The following MMP9 variants were observed in gnomAD, a reference collection of about 807,000 sequenced individuals.
MMP9 encodes the protein matrix metalloproteinase-9.
MMP9 carries 73 observed loss-of-function variants against 76.4 expected under a neutral mutation model. The ratio of observed to expected loss-of-function variants is 0.96; its 90% CI spans 0.79 to 1.16. MMP9 has a LOEUF of 1.16. MMP9 is among the 50% of genes most tolerant of loss of function. MMP9 has a pLI of 0.00. For synonymous variants in MMP9, 412 were observed against 408.4 expected (o/e 1.01, Z -0.11); for missense variants, 943 against 973.0 (o/e 0.97, Z 0.41).
Position 46,013,666 on chromosome 20 carries a change from G to A in MMP9, c.1620G>A (p.Trp540Ter). The A allele has an allele frequency of 6.2e-7, 1 of 1,614,038 alleles. No individual in the cohort carries two copies. Among genetic ancestry groups the A allele is most frequent in the Middle Eastern group, 1.7e-4 (1 of 6,056 alleles). ...CTCCTCGCTTTCTCAGGAAGTACTGGCGATTCTCTGAGGGCAGGGGGAGCC... is the reference window on the plus strand; with the variant it reads ...CTCCTCGCTTTCTCAGGAAGTACTGACGATTCTCTGAGGGCAGGGGGAGCC... Reference protein sequence around the residue: ...QLYLFKDGKYWRFSEGRGSRP... With the variant: ...QLYLFKDGKY The change falls in exon 10 of 13, where the codon TGG becomes TGA. Residue 540 changes from tryptophan (W) to a stop codon, truncating the protein, a stop_gained. Transcript: ENST00000372330. LOFTEE classifies it high-confidence loss of function. This position sits in a 1 kb window ranked among gnomAD's most constrained non-coding sequence, Gnocchi z 4.5.
chr20:46,010,333 A>AAAAAAAAAAAAAAAAAAAAAAAAAAAAC lies in MMP9; in HGVS notation c.372-142_372-141insAAAAAAAAAAAAAAAAAAACAAAAAAAA, dbSNP rs796972949. 28 of 828,802 alleles carry AAAAAAAAAAAAAAAAAAAAAAAAAAAAC rather than the reference A, an allele frequency of 3.4e-5. 2 individuals are homozygous for AAAAAAAAAAAAAAAAAAAAAAAAAAAAC. The African/African-American group carries it at 5.8e-4, about 17-fold the overall frequency. The allele number at this position is 828,802 out of a possible 1,614,324, so 51.3% of individuals were successfully genotyped here. On this transcript the variant is annotated intron_variant, in intron 2 of 12. Transcript: ENST00000372330. ...GGGTCTAAGTAGACAAAAAAAAAAA[A>AAAAAAAAAAAAAAAAAAAAAAAAAAAAC]AAAAAAAACAGTCTGGAAGCAATTT...
chr20:46,014,290 G>T lies in MMP9; in HGVS notation c.1901+16G>T. 6.5e-7 allele frequency: 1 copy of T among 1,527,914 alleles called. No homozygotes were observed. The allele number at this position is 1,527,914 out of a possible 1,614,324, so 94.6% of individuals were successfully genotyped here. ...GCCTCTGGAGGTGAGCGCCGCCGCG[G>T]CCGCCGGCAGGGGGAGCCCGGGCGC... On this transcript the variant is annotated intron_variant, in intron 11 of 12. Coordinates refer to ENST00000372330, the MANE Select transcript of MMP9 (RefSeq NM_004994.3).
intron 2 of MMP9, 87 bp downstream of exon 2, chr20:46,010,185 C>T: frequency 1.6e-6 from 2 of 1,244,088 alleles, no homozygotes; most frequent in Non-Finnish European, 2.2e-6. Flanking sequence ...CTGTCTTGGA[C>T]GCGTCCCTGG....
intron 5 of MMP9, 80 bp from the exon 6 acceptor site, chr20:46,011,494 G>T (rs1014644406): frequency 1.3e-6 from 2 of 1,594,356 alleles, no homozygotes; most frequent in African/African-American, 2.7e-5. Context: ...CCATCCATGG[G>T]TCAAAGAACA....
chr20:46,011,348 C>T (rs748441442), intron 5 of MMP9, 32 bp downstream of exon 5: 27 of 1,594,194 alleles, frequency 1.7e-5, no homozygotes, highest in Non-Finnish European at 2.2e-5. Context: ...GGGCTGGGGG[C>T]GCCCACCACC....
In MMP9 at chr20:46,009,776, C is replaced by A. The variant is rs191726918; in HGVS notation, c.139-90C>A. On this transcript the variant is annotated intron_variant, in intron 1 of 12. Transcript: ENST00000372330. ...GAAAAAGAAAAAGAAAAAAGACTCC[C>A]TCCATGAGTGTCTGGAGGGAGTCCT... is the stretch of plus-strand genomic sequence containing the variant. The A allele has an allele frequency of 3.0e-3, 3,416 of 1,128,490 alleles. 7 individuals are homozygous for A. The highest frequency in any genetic ancestry group is 3.9e-3 in the Non-Finnish European group (2,940 of 761,334). The allele number at this position is 1,128,490 out of a possible 1,614,324, so 69.9% of individuals were successfully genotyped here.
intron 2 of MMP9, among the ~76,000 whole-genome samples, 153 bp from the exon 3 acceptor site, chr20:46,010,330 A>AAAAAAAAAAAAAAAAC (rs2084269756): frequency 9.8e-6 from 1 of 101,928 alleles, no homozygotes; most frequent in Non-Finnish European, 2.1e-5. Context: ...ACAAAAAAAA[A>AAAAAAAAAAAAAAAAC]AAAAAAAAAA....
In MMP9 at chr20:46,012,247, C is replaced by A. The variant is rs958279746; in HGVS notation, c.1108C>A (p.Arg370Ser). Residue 370 changes from arginine to serine, a missense_variant, in exon 7 of 13, where the codon CGC (arginine) becomes AGC (serine). By Grantham distance (110) the Arg-to-Ser change is moderately radical (BLOSUM62 -1). Transcript: ENST00000372330. ...TACCAGCGAGGGCCGCGGAGATGGG[C>A]GCCTCTGGTGCGCTACCACCTCGAA... Reference protein sequence around the residue: ...TCTSEGRGDGRLWCATTSNFD... With the variant: ...TCTSEGRGDGSLWCATTSNFD... 3 of 1,614,068 alleles carry A rather than the reference C, an allele frequency of 1.9e-6. No individual in the cohort carries two copies. Among genetic ancestry groups the A allele is most frequent in the Non-Finnish European group, 1.7e-6 (2 of 1,180,038 alleles).
Position 46,010,016 on chromosome 20 carries a change from C to A in MMP9, c.289C>A (p.Pro97Thr), listed in dbSNP as rs1171100463. Residue 97 changes from proline to threonine, a missense_variant, in exon 2 of 13, where the codon CCA becomes ACA. Transcript: ENST00000372330. ...DSATLKAMRT[P>T]RCGVPDLGRF... is the part of the protein sequence containing the mutation. ...CGCCACGCTGAAGGCCATGCGAACC[C>A]CACGGTGCGGGGTCCCAGACCTGGG... 3 of 1,551,654 alleles carry A rather than the reference C, an allele frequency of 1.9e-6. No individual in the cohort carries two copies. The highest frequency in any genetic ancestry group is 2.6e-6 in the Non-Finnish European group (3 of 1,146,998).
chr20:46,013,422 G>A lies in MMP9; in HGVS notation c.1498G>A (p.Gly500Ser). ...TGGCCCCACAGGTCCCCCCACTGCT[G>A]GCCCTTCTACGGCCACTACTGTGCC... is the stretch of plus-strand genomic sequence containing the variant. ...SAGPTGPPTA[G>S]PSTATTVPLS... Residue 500 changes from glycine to serine, a missense_variant, in exon 9 of 13, where the codon GGC becomes AGC. Coordinates refer to ENST00000372330, the MANE Select transcript of MMP9 (RefSeq NM_004994.3). The surrounding 1 kb of genome is among the most constrained non-coding windows in gnomAD (Gnocchi z 4.5). 1 of 1,613,822 alleles carries A rather than the reference G, an allele frequency of 6.2e-7. No individual in the cohort carries two copies. The highest frequency in any genetic ancestry group is 8.5e-7 in the Non-Finnish European group (1 of 1,179,916).
chr20:46,014,309 C>T lies in MMP9; in HGVS notation c.1901+35C>T, dbSNP rs764720871. On this transcript the variant is annotated intron_variant, in intron 11 of 12. Coordinates refer to ENST00000372330, the MANE Select transcript of MMP9 (RefSeq NM_004994.3). ...GCCGCGGCCGCCGGCAGGGGGAGCC[C>T]GGGCGCCGTCGGTCCGTCCGCTAGC... The T allele has an allele frequency of 3.3e-6, 5 of 1,536,106 alleles. No individual in the cohort carries two copies. The South Asian group carries it at 4.8e-5, about 15-fold the overall frequency.
Position 46,010,945 on chromosome 20 carries a change from G to T in MMP9, c.544G>T (p.Asp182Tyr), listed in dbSNP as rs769270769. The T allele has an allele frequency of 1.9e-6, 3 of 1,614,230 alleles. No homozygotes were observed. Among genetic ancestry groups the T allele is most frequent in the Non-Finnish European group, 2.5e-6 (3 of 1,180,050 alleles). ...VAEHGDGYPF[D>Y]GKDGLLAHAF... ...AGAGCACGGAGACGGGTATCCCTTC[G>T]ACGGGAAGGACGGGCTCCTGGCACA... The change falls in exon 4 of 13, where the codon GAC becomes TAC. Residue 182 changes from aspartate to tyrosine, a missense_variant. By Grantham distance (160) the Asp-to-Tyr change is radical (BLOSUM62 -3). Coordinates refer to ENST00000372330, the MANE Select transcript of MMP9 (RefSeq NM_004994.3).
At position 46,013,319 on chromosome 20, in the gene MMP9, G is replaced by A. The variant is rs768338998; in HGVS notation, c.1395G>A (p.Pro465=). The A allele has an allele frequency of 1.9e-6, 3 of 1,613,552 alleles. No homozygotes were observed. Among genetic ancestry groups the A allele is most frequent in the South Asian group, 2.2e-5 (2 of 91,028 alleles). Residue 465 remains proline (P), a synonymous_variant, in exon 9 of 13, where the codon CCG becomes CCA. Transcript: ENST00000372330. The surrounding 1 kb of genome is among the most constrained non-coding windows in gnomAD (Gnocchi z 4.5). Reference sequence around the variant, plus strand: ...CCACACCGCAGCCCACGGCTCCCCCGACGGTCTGCCCCACCGGACCCCCCA... The same window carrying A: ...CCACACCGCAGCCCACGGCTCCCCCAACGGTCTGCCCCACCGGACCCCCCA... ...TTTTPQPTAP[P]TVCPTGPPTV...
intron 8 of MMP9, 63 bp downstream of exon 8, chr20:46,012,645 G>T (rs2084290647): frequency 5.8e-5 from 73 of 1,266,810 alleles, no homozygotes; most frequent in Non-Finnish European, 6.6e-5. Context: ...CAGTACCAAA[G>T]AATTGGGGGT....
rs545557657 is a variant in MMP9, at chr20:46,013,166, G to A, written c.1331-89G>A. On this transcript the variant is annotated intron_variant, in intron 8 of 12. Transcript: ENST00000372330. The surrounding 1 kb of genome is among the most constrained non-coding windows in gnomAD (Gnocchi z 4.5). Reference sequence around the variant, plus strand: ...AGGAGGGGCCTGTGTGCCAGAGGAGGCTTCACTGAGAAGCTTAGGGGAGCA... The same window carrying A: ...AGGAGGGGCCTGTGTGCCAGAGGAGACTTCACTGAGAAGCTTAGGGGAGCA... 1 of 1,491,358 alleles carries A rather than the reference G, an allele frequency of 6.7e-7. No homozygotes were observed. Among genetic ancestry groups the A allele is most frequent in the African/African-American group, 1.4e-5 (1 of 72,436 alleles). 92.4% of individuals were successfully genotyped at this position (1,491,358 alleles called of 1,614,324 possible).
At position 46,013,626 on chromosome 20, in the gene MMP9, G is replaced by C; in HGVS notation, c.1611-31G>C. ...CCACTGGCCCTGTGTCCAAGGCTTA[G>C]AGCCCGTCCTTTCCCTCCTCGCTTT... On this transcript the variant is annotated intron_variant, in intron 9 of 12. Coordinates refer to ENST00000372330, the MANE Select transcript of MMP9 (RefSeq NM_004994.3). The surrounding 1 kb of genome is among the most constrained non-coding windows in gnomAD (Gnocchi z 4.5). 1 of 1,613,940 alleles carries C rather than the reference G, an allele frequency of 6.2e-7. No individual in the cohort carries two copies. The highest frequency in any genetic ancestry group is 8.5e-7 in the Non-Finnish European group (1 of 1,179,918).
In MMP9 at chr20:46,014,401, C is replaced by T; in HGVS notation, c.1932C>T (p.Pro644=). Residue 644 remains proline, a synonymous_variant, in exon 12 of 13, where the codon CCC becomes CCT. Transcript: ENST00000372330. ...ACGTGAAGGCGCAGATGGTGGATCC[C>T]CGGAGCGCCAGCGAGGTGGACCGGA... The part of the protein sequence containing the change: ...RFDVKAQMVD[P]RSASEVDRMF... 1.9e-6 allele frequency: 3 copies of T among 1,549,722 alleles called. No homozygotes were observed. Among genetic ancestry groups the T allele is most frequent in the South Asian group, 1.2e-5 (1 of 84,064 alleles).
chr20:46,010,883 T>G (rs375521841), intron 3 of MMP9, 39 bp from the exon 4 acceptor site: 84 of 1,614,048 alleles, frequency 5.2e-5, no homozygotes, highest in Non-Finnish European at 6.7e-5. Context: ...TGCGCAGCAG[T>G]ACTCGGCTAA....
intron 1 of MMP9, 69 bp downstream of exon 1, chr20:46,009,133 G>T: frequency 6.5e-7 from 1 of 1,536,676 alleles, no homozygotes; most frequent in Non-Finnish European, 8.9e-7. Flanking sequence ...CAGAGAGGAT[G>T]CAGGGCCTCA....
Sources: gnomAD v4.1 joint callset for allele counts (sites outside exome capture counted in the v4.1 genomes callset) on GRCh38, gnomAD v4.1.1 for gene constraint, Gnocchi (gnomAD v3.1) non-coding constraint, MANE v1.5 for transcripts, NCBI Gene and HGNC (gene_info 2026-07-23, HGNC 2026-07-21) for gene names.